MACROD2: variants seen among roughly 807,000 people sequenced by gnomAD.
The protein encoded by MACROD2 is ADP-ribose glycohydrolase MACROD2.
A neutral mutation model predicts 70.4 loss-of-function variants in MACROD2; 36 were observed. The ratio of observed to expected loss-of-function variants is 0.51; its 90% CI spans 0.39 to 0.68. The LOEUF (loss-of-function observed/expected upper bound fraction) is 0.68. Ranked by LOEUF, MACROD2 falls within the 30% of genes least tolerant of loss-of-function variation. MACROD2 has a pLI of 0.00. For missense variants in MACROD2, 496 were observed against 538.4 expected, an observed-to-expected ratio of 0.92 and a Z score of 0.78; for synonymous variants, 172 against 178.8, an observed-to-expected ratio of 0.96 and a Z score of 0.30.
intron 8 of MACROD2, among the ~76,000 whole-genome samples, chr20:15,738,239 T>A (rs1392045727): frequency 7.9e-5 from 12 of 152,198 alleles, no homozygotes; most frequent in Non-Finnish European, 4.4e-5. Context: ...AGGTGATAGA[T>A]ACCTCATTTA....
chr20:14,360,030 T>C (rs1465347144), intron 3 of MACROD2, among the ~76,000 whole-genome samples: 1 of 152,024 alleles, frequency 6.6e-6, no homozygotes, highest in East Asian at 1.9e-4. Flanking sequence ...ATTATCTTAC[T>C]TATATGTGAA....
intron 6 of MACROD2, among the ~76,000 whole-genome samples, chr20:15,241,858 G>T (rs572207533): frequency 6.7e-6 from 1 of 149,930 alleles, no homozygotes; most frequent in Non-Finnish European, 1.5e-5. Flanking sequence ...AGGACTCATA[G>T]AAATTGTGGT....
At chr20:15,471,406 A>G (rs1007850054) in intron 7 of MACROD2, among the ~76,000 whole-genome samples, 8 of 152,236 alleles carry the variant, frequency 5.3e-5, no homozygotes, top group African/African-American at 1.9e-4. Flanking sequence ...GAAGCATTTG[A>G]TATGATTGCA....
At chr20:14,681,365 C>T (rs2070930138) in intron 4 of MACROD2, among the ~76,000 whole-genome samples, 1 of 152,080 alleles carries the variant, frequency 6.6e-6, no homozygotes, top group South Asian at 2.1e-4. Flanking sequence ...AATGTCTATT[C>T]ACAGATGAAT....
At chr20:14,584,009 C>A (rs551463373) in intron 4 of MACROD2, among the ~76,000 whole-genome samples, 34 of 152,260 alleles carry the variant, frequency 2.2e-4, no homozygotes, top group African/African-American at 7.5e-4. Flanking sequence ...CTTCCCCTCT[C>A]TAGCAAATGC....
At chr20:15,007,648 A>G (rs1291396222) in intron 5 of MACROD2, among the ~76,000 whole-genome samples, 1 of 152,222 alleles carries the variant, frequency 6.6e-6, no homozygotes, top group Non-Finnish European at 1.5e-5. Flanking sequence ...TAAAAAGGGC[A>G]GGAGGATGAG....
intron 5 of MACROD2, among the ~76,000 whole-genome samples, chr20:14,913,224 TG>T (rs2074050353): frequency 6.6e-6 from 1 of 152,288 alleles, no homozygotes; most frequent in East Asian, 1.9e-4. Flanking sequence ...TTTATAATTT[TG>T]TTTCTATTAT....
At chr20:15,807,174 C>G (rs150663792) in intron 8 of MACROD2, among the ~76,000 whole-genome samples, 3 of 152,318 alleles carry the variant, frequency 2.0e-5, no homozygotes, top group African/African-American at 7.2e-5. Flanking sequence ...GAGAATCCAG[C>G]TGATTACACT....
chr20:14,978,846 T>C (rs890019749), intron 5 of MACROD2, among the ~76,000 whole-genome samples: 12 of 146,204 alleles, frequency 8.2e-5, no homozygotes, highest in Non-Finnish European at 1.2e-4. Flanking sequence ...AAGGAGGGTA[T>C]TATTATATAT....
chr20:14,529,359 A>G (rs2085274705), intron 4 of MACROD2, among the ~76,000 whole-genome samples: 1 of 152,182 alleles, frequency 6.6e-6, no homozygotes, highest in African/African-American at 2.4e-5. Flanking sequence ...CTGCCCTGCC[A>G]CACTTAGTGT....
intron 3 of MACROD2, among the ~76,000 whole-genome samples, chr20:14,356,590 C>T (rs569364219): frequency 3.3e-5 from 5 of 150,626 alleles, no homozygotes; most frequent in African/African-American, 9.8e-5. Flanking sequence ...CTGCAACCTC[C>T]GCCTCCTGGG....
At chr20:15,313,939 C>T (rs2077781203) in intron 6 of MACROD2, among the ~76,000 whole-genome samples, 1 of 152,146 alleles carries the variant, frequency 6.6e-6, no homozygotes, top group Admixed American at 6.5e-5. Context: ...TATTTTTTCA[C>T]TCATCCCACT....
intron 8 of MACROD2, among the ~76,000 whole-genome samples, chr20:15,616,116 T>C (rs1206050965): frequency 6.8e-6 from 1 of 148,148 alleles, no homozygotes; most frequent in Non-Finnish European, 1.5e-5. Flanking sequence ...TTTTTTTTTT[T>C]TTTTGAGACA....
intron 4 of MACROD2, among the ~76,000 whole-genome samples, chr20:14,608,539 C>CTCAT (rs758395048): frequency 3.3e-5 from 5 of 152,232 alleles, no homozygotes; most frequent in African/African-American, 1.2e-4. Flanking sequence ...TACTTTGCAT[C>CTCAT]TCATTCATTC....
intron 1 of MACROD2, among the ~76,000 whole-genome samples, chr20:14,001,058 T>C (rs2052727722): frequency 6.6e-6 from 1 of 152,184 alleles, no homozygotes; most frequent in Non-Finnish European, 1.5e-5. Flanking sequence ...ACATATTACC[T>C]TTTTCGGGGA....
At chr20:15,928,935 TAA>T (rs1321179422) in intron 10 of MACROD2, among the ~76,000 whole-genome samples, 6 of 152,218 alleles carry the variant, frequency 3.9e-5, no homozygotes, top group Admixed American at 6.5e-5. Flanking sequence ...GATTTTTTTA[TAA>T]AAGAGTGCTA....
intron 10 of MACROD2, among the ~76,000 whole-genome samples, chr20:15,930,804 G>C (rs898979467): frequency 9.9e-5 from 15 of 152,184 alleles, no homozygotes; most frequent in Non-Finnish European, 1.9e-4. Context: ...CAGACTGGTT[G>C]TTACTATTAG....
rs1260371807 is a variant in MACROD2, at chr20:14,455,923, TA to T, written c.272-37551del. Among the ~76,000 whole-genome samples the T allele has an allele frequency of 1.3e-5, 2 of 151,766 alleles. 1 individual carries two copies. The highest frequency in any genetic ancestry group is 4.9e-5 in the African/African-American group (2 of 41,056). ...AAAAAAATGGTCTTCATGTATCATC[TA>T]AAAATTATCTTATGTCTCAGTCTTT... is the stretch of plus-strand genomic sequence containing the variant. On this transcript the variant is annotated intron_variant, in intron 3 of 17. Coordinates refer to ENST00000684519, the MANE Select transcript of MACROD2 (RefSeq NM_001351661.2).
At chr20:15,303,674 A>G (rs1328118977) in intron 6 of MACROD2, among the ~76,000 whole-genome samples, 1 of 152,174 alleles carries the variant, frequency 6.6e-6, no homozygotes, top group Non-Finnish European at 1.5e-5. Context: ...CTCACTCAGA[A>G]CCATTTATCA....
Sources: allele counts gnomAD v4.1 joint callset (sites outside exome capture counted in the v4.1 genomes callset), GRCh38; gene constraint gnomAD v4.1.1; transcripts MANE v1.5; gene names NCBI Gene and HGNC (gene_info 2026-07-23, HGNC 2026-07-21).